Variants in TAF4B observed in about 807,000 individuals in gnomAD.
TAF4B encodes TATA-box binding protein associated factor 4b.
A neutral mutation model predicts 86.4 loss-of-function variants in TAF4B; 38 were observed. The observed-to-expected ratio is 0.44, with a 90% CI of 0.34 to 0.58. TAF4B has a LOEUF of 0.58. Among genes scored for constraint, TAF4B ranks in the 20% least tolerant of loss-of-function variants. The pLI is 0.02. For missense variants in TAF4B, 988 were observed against 1,027.6 expected, an observed-to-expected ratio of 0.96 and a Z score of 0.53; for synonymous variants, 388 against 391.2, an observed-to-expected ratio of 0.99 and a Z score of 0.10.
In TAF4B at chr18:26,375,205, CATA is replaced by C. The variant is rs577171776; in HGVS notation, c.2422-14637_2422-14635del. On this transcript the variant is annotated intron_variant, in intron 14 of 14. Transcript: ENST00000269142. ...TTTGTGTCTGGCTTCTTTCACTGAG[CATA>C]ATGTTTTCATGGTCTGCCTCTATTG... Among the ~76,000 whole-genome samples, 255 of 152,264 alleles carry C rather than the reference CATA, an allele frequency of 1.7e-3. 1 individual carries two copies. Among genetic ancestry groups the C allele is most frequent in the African/African-American group, 5.8e-3 (243 of 41,556 alleles).
rs902364354 is a variant in TAF4B at position 26,321,139 on chromosome 18, G to A, written c.2072G>A (p.Arg691Gln). 1.9e-6 allele frequency: 3 copies of A among 1,613,836 alleles called. No individual in the cohort carries two copies. The highest frequency in any genetic ancestry group is 2.2e-5 in the East Asian group (1 of 44,834). Residue 691 changes from arginine to glutamine, a missense_variant, in exon 11 of 15, where the codon CGA becomes CAA. By Grantham distance (43) the Arg-to-Gln change is conservative. Coordinates refer to ENST00000269142, the MANE Select transcript of TAF4B (RefSeq NM_005640.3). The stretch of plus-strand genomic sequence containing the variant: ...TTGATCTCCCAAGCAACACAGGAAC[G>A]ACTACGAGGCCTTCTAGAAAAACTG... ...VNLISQATQE[R>Q]LRGLLEKLTA...
At chr18:26,385,679 GT>G (rs34188640) in intron 14 of TAF4B, among the ~76,000 whole-genome samples, 53,236 of 110,026 alleles carry the variant, frequency 0.48, 11,926 homozygotes, top group African/African-American at 0.54. Flanking sequence ...AATAAACAGC[GT>G]TTTTTTTTTT....
chr18:26,309,381 T>G (rs2056831833), intron 9 of TAF4B, among the ~76,000 whole-genome samples: 3 of 151,204 alleles, frequency 2.0e-5, no homozygotes, highest in African/African-American at 7.3e-5. Flanking sequence ...ATTTTCTGAT[T>G]TGGTTGGTGG....
chr18:26,292,175 T>G (rs2056601308), intron 7 of TAF4B, 71 bp from the exon 8 acceptor site: 3 of 1,517,562 alleles, frequency 2.0e-6, no homozygotes, highest in Admixed American at 2.1e-5. Context: ...ATCTGTTGTT[T>G]AAAACTGAAA....
At chr18:26,374,106 C>G (rs1384913645) in intron 14 of TAF4B, among the ~76,000 whole-genome samples, 1 of 152,178 alleles carries the variant, frequency 6.6e-6, no homozygotes, top group Non-Finnish European at 1.5e-5. Flanking sequence ...TCTAGTGTTA[C>G]ATTCCACTGT....
At chr18:26,379,221 A>G (rs1391756545) in intron 14 of TAF4B, among the ~76,000 whole-genome samples, 3 of 152,080 alleles carry the variant, frequency 2.0e-5, no homozygotes, top group African/African-American at 7.2e-5. Context: ...ACGAAGTCCA[A>G]TTTATCATTG....
At chr18:26,324,194 A>G (rs1222555265) in intron 11 of TAF4B, among the ~76,000 whole-genome samples, 1 of 152,204 alleles carries the variant, frequency 6.6e-6, no homozygotes, top group African/African-American at 2.4e-5. Flanking sequence ...GCTTTTTACT[A>G]TAACTCTTTA....
chr18:26,389,751 C>A, intron 14 of TAF4B, 94 bp from the exon 15 acceptor site: 1 of 1,329,848 alleles, frequency 7.5e-7, no homozygotes. Context: ...ACCCAGTGAC[C>A]AGAGGGTAGT....
rs1415957433 is a variant in TAF4B, at chr18:26,315,159, T to TCACACA, written c.1833-69_1833-68insACACAC. ...CTCTCTCTCTCTGTCTCTCTCTCTC[T>TCACACA]CTCACACACACACACACACACACAC... On this transcript the variant is annotated intron_variant, in intron 9 of 14. Coordinates refer to ENST00000269142, the MANE Select transcript of TAF4B (RefSeq NM_005640.3). The TCACACA allele has an allele frequency of 8.7e-4, 263 of 301,510 alleles. 2 individuals carry two copies. Among genetic ancestry groups the TCACACA allele is most frequent in the African/African-American group, 1.6e-3 (50 of 30,636 alleles). 18.7% of individuals were successfully genotyped at this position (301,510 alleles called of 1,614,324 possible). A position where few individuals can be genotyped will look rare whatever the true frequency, so the allele number is the denominator to read the frequency against.
At chr18:26,229,571 C>T (rs915421766) in intron 1 of TAF4B, among the ~76,000 whole-genome samples, 10 of 148,254 alleles carry the variant, frequency 6.7e-5, no homozygotes, top group Non-Finnish European at 1.2e-4. Flanking sequence ...GGCATAATCT[C>T]GGCTCACTGC....
At chr18:26,260,381 C>T (rs1027287821) in intron 1 of TAF4B, among the ~76,000 whole-genome samples, 1 of 152,154 alleles carries the variant, frequency 6.6e-6, no homozygotes, top group Non-Finnish European at 1.5e-5. Context: ...AATGGTATTG[C>T]CTAGGTTTTC....
At chr18:26,317,748 G>A (rs1334955671) in intron 10 of TAF4B, among the ~76,000 whole-genome samples, 3 of 152,158 alleles carry the variant, frequency 2.0e-5, no homozygotes, top group Non-Finnish European at 2.9e-5. Flanking sequence ...GTTTTCATGT[G>A]GCAGAAAGAT....
intron 1 of TAF4B, among the ~76,000 whole-genome samples, chr18:26,263,043 T>G (rs1173985939): frequency 1.3e-5 from 2 of 152,222 alleles, no homozygotes; most frequent in Non-Finnish European, 2.9e-5. Flanking sequence ...CTTGAACTTT[T>G]GGGCTCAAGT....
intron 1 of TAF4B, chr18:26,256,423 A>G (rs2056085487): frequency 5.6e-6 from 5 of 892,420 alleles, no homozygotes; most frequent in Admixed American, 1.8e-5. Context: ...CCCGAGGTGC[A>G]GAGTGCACGC....
chr18:26,291,806 T>A (rs948329887), intron 7 of TAF4B, among the ~76,000 whole-genome samples: 1 of 151,996 alleles, frequency 6.6e-6, no homozygotes, highest in Non-Finnish European at 1.5e-5. Context: ...CAACGATATA[T>A]CTGAGATTTG....
rs148097061 is a variant in TAF4B, at chr18:26,380,980, T to C, written c.2422-8865T>C. On this transcript the variant is annotated intron_variant, in intron 14 of 14. Transcript: ENST00000269142. ...CACTATTTTAGTATTCTATGCTACG[T>C]TGTCTGTTTCCTTTTTAGTTAATAG... 4.1e-3 allele frequency among the ~76,000 whole-genome samples: 627 copies of C among 152,290 alleles called. 2 individuals carry two copies. The highest frequency in any genetic ancestry group is 0.015 in the African/African-American group (604 of 41,556).
At chr18:26,233,935 G>T (rs1321099269) in intron 1 of TAF4B, among the ~76,000 whole-genome samples, 1 of 152,218 alleles carries the variant, frequency 6.6e-6, no homozygotes, top group Non-Finnish European at 1.5e-5. Flanking sequence ...CTACTTGCTG[G>T]ATGGTGTGGA....
chr18:26,316,724 A>C (rs2056915770), intron 10 of TAF4B, among the ~76,000 whole-genome samples: 1 of 152,170 alleles, frequency 6.6e-6, no homozygotes, highest in South Asian at 2.1e-4. Context: ...TATTATGAAA[A>C]ACTAGAGCTT....
At chr18:26,357,030 C>CT (rs1271073722) in intron 13 of TAF4B, among the ~76,000 whole-genome samples, 2 of 152,054 alleles carry the variant, frequency 1.3e-5, no homozygotes, top group African/African-American at 4.8e-5. Flanking sequence ...TAGAGTAAAT[C>CT]TAAGACTTTT....
Sources: gnomAD v4.1 joint callset for allele counts (sites outside exome capture counted in the v4.1 genomes callset) on GRCh38, gnomAD v4.1.1 for gene constraint, MANE v1.5 for transcripts, NCBI Gene and HGNC (gene_info 2026-07-23, HGNC 2026-07-21) for gene names.